The following GRID1 variants were observed in gnomAD, a reference collection of about 807,000 sequenced individuals.
The protein encoded by GRID1 is glutamate receptor ionotropic, delta-1.
GRID1 carries 28 observed loss-of-function variants against 98.0 expected under a neutral mutation model. The observed-to-expected ratio is 0.29, with a 90% CI of 0.21 to 0.39. The LOEUF (loss-of-function observed/expected upper bound fraction) is 0.39, where lower values mean the gene tolerates loss of function less well. Among genes scored for constraint, GRID1 ranks in the 10% least tolerant of loss-of-function variants. The pLI, the probability that GRID1 is intolerant of heterozygous loss-of-function variation, is 1.00. For missense variants in GRID1, 1,111 were observed against 1,340.5 expected (o/e 0.83, Z 2.67); for synonymous variants, 553 against 538.5 (o/e 1.03, Z -0.37).
intron 2 of GRID1, among the ~76,000 whole-genome samples, chr10:86,263,313 T>C (rs532013377): frequency 3.3e-5 from 5 of 152,262 alleles, no homozygotes; most frequent in Non-Finnish European, 7.3e-5. Flanking sequence ...CGCGCAACGT[T>C]GCCATTGTAA....
chr10:85,949,369 TAAATC>T (rs1842090534), intron 4 of GRID1, among the ~76,000 whole-genome samples: 2 of 152,134 alleles, frequency 1.3e-5, no homozygotes, highest in Non-Finnish European at 2.9e-5. Context: ...TTAACAGAAA[TAAATC>T]AGATTGTACA....
Position 85,922,362 on chromosome 10 carries a change from T to G in GRID1, c.727-6123A>C, listed in dbSNP as rs538539398. On this transcript the variant is annotated intron_variant, in intron 4 of 15. Coordinates refer to ENST00000327946, the MANE Select transcript of GRID1 (RefSeq NM_017551.3). ...AATAGTAAATGGAGTGGAAAAAACC[T>G]CCACATGGAAGCCTTCCAAACACAT... Among the ~76,000 whole-genome samples, 8 of 152,316 alleles carry G rather than the reference T, an allele frequency of 5.3e-5. No individual in the cohort carries two copies. The East Asian group carries it at 9.6e-4, about 18-fold the overall frequency.
At chr10:86,127,411 A>C (rs1423274372) in intron 4 of GRID1, among the ~76,000 whole-genome samples, 1 of 151,934 alleles carries the variant, frequency 6.6e-6, no homozygotes, top group Non-Finnish European at 1.5e-5. Flanking sequence ...AGTAACTAGC[A>C]CTCCTGAGAA....
At chr10:85,721,880 G>A (rs1174726087) in intron 12 of GRID1, among the ~76,000 whole-genome samples, 2 of 152,034 alleles carry the variant, frequency 1.3e-5, no homozygotes, top group African/African-American at 2.4e-5. Context: ...GTACAAGAGG[G>A]GAACAGTGAA....
At chr10:86,220,601 T>A (rs191924118) in intron 2 of GRID1, among the ~76,000 whole-genome samples, 1 of 152,282 alleles carries the variant, frequency 6.6e-6, no homozygotes. Context: ...CGCCTGGGCA[T>A]GTCCAAGGCC....
intron 8 of GRID1, among the ~76,000 whole-genome samples, chr10:85,730,373 C>T (rs954407709): frequency 3.3e-5 from 5 of 152,266 alleles, no homozygotes; most frequent in Admixed American, 6.5e-5. Context: ...GTCTATACAA[C>T]GACAAAACTT....
At chr10:85,794,013 T>G (rs1480474261) in intron 8 of GRID1, among the ~76,000 whole-genome samples, 3 of 152,228 alleles carry the variant, frequency 2.0e-5, no homozygotes, top group Non-Finnish European at 2.9e-5. Context: ...AGATTTAACA[T>G]GCAGCATTTC....
intron 14 of GRID1, among the ~76,000 whole-genome samples, chr10:85,615,257 C>A (rs1363240639): frequency 6.6e-6 from 1 of 152,224 alleles, no homozygotes; most frequent in African/African-American, 2.4e-5. Flanking sequence ...TGGCCTGGCT[C>A]AGTGCAAAGA....
At chr10:85,833,205 C>T (rs955591731) in intron 8 of GRID1, among the ~76,000 whole-genome samples, 9 of 152,192 alleles carry the variant, frequency 5.9e-5, no homozygotes, top group African/African-American at 2.2e-4. Context: ...CAAGCAGTCC[C>T]CAGCCAGGGA....
intron 12 of GRID1, among the ~76,000 whole-genome samples, chr10:85,721,068 A>G (rs1351801473): frequency 1.3e-5 from 2 of 152,242 alleles, no homozygotes; most frequent in Non-Finnish European, 2.9e-5. Flanking sequence ...GGGGATATAT[A>G]CATAGCAAAT....
intron 4 of GRID1, among the ~76,000 whole-genome samples, chr10:86,056,718 G>A (rs778859957): frequency 2.0e-5 from 3 of 152,208 alleles, no homozygotes; most frequent in South Asian, 2.1e-4. Context: ...CAGGTCACAC[G>A]CACAGCCTCT....
intron 13 of GRID1, among the ~76,000 whole-genome samples, chr10:85,643,679 CT>C (rs1843150843): frequency 6.6e-6 from 1 of 152,058 alleles, no homozygotes; most frequent in Non-Finnish European, 1.5e-5. Context: ...TTTTATGACA[CT>C]AGTTATAAAA....
intron 12 of GRID1, among the ~76,000 whole-genome samples, chr10:85,651,789 A>C (rs902377588): frequency 6.6e-6 from 1 of 152,324 alleles, no homozygotes; most frequent in African/African-American, 2.4e-5. Flanking sequence ...TGGTGCAAGC[A>C]TGTGTATCAC....
intron 5 of GRID1, among the ~76,000 whole-genome samples, chr10:85,895,001 CAAAAA>C (rs60119755): frequency 8.0e-4 from 83 of 103,902 alleles, no homozygotes; most frequent in African/African-American, 2.5e-3. Flanking sequence ...CTGGGACTCT[CAAAAA>C]AAAAAAAAAA....
intron 12 of GRID1, among the ~76,000 whole-genome samples, chr10:85,710,276 A>G (rs1037567072): frequency 1.3e-5 from 2 of 152,200 alleles, no homozygotes; most frequent in Non-Finnish European, 2.9e-5. Flanking sequence ...AGACAGATAT[A>G]TAGACCAGTG....
Position 86,038,835 on chromosome 10 carries a change from T to A in GRID1, c.726+99984A>T, listed in dbSNP as rs1843306698. On this transcript the variant is annotated intron_variant, in intron 4 of 15. Coordinates refer to ENST00000327946, the MANE Select transcript of GRID1 (RefSeq NM_017551.3). Reference sequence around the variant, plus strand: ...TTGCAGAAGATGGTCTTATTTCTGATTTCCTAGTTCTTGAAGTAGGGGAGT... The same window carrying A: ...TTGCAGAAGATGGTCTTATTTCTGAATTCCTAGTTCTTGAAGTAGGGGAGT... Among the ~76,000 whole-genome samples, 3 of 152,356 alleles carry A rather than the reference T, an allele frequency of 2.0e-5. No homozygotes were observed. The South Asian group carries it at 6.2e-4, about 32-fold the overall frequency.
At chr10:86,321,215 A>C (rs17106562) in intron 2 of GRID1, among the ~76,000 whole-genome samples, 1 of 152,146 alleles carries the variant, frequency 6.6e-6, no homozygotes, top group African/African-American at 2.4e-5. Context: ...AATAGTGATT[A>C]TGAAGAAATT....
At chr10:86,183,023 A>C (rs1845676817) in intron 3 of GRID1, among the ~76,000 whole-genome samples, 1 of 152,152 alleles carries the variant, frequency 6.6e-6, no homozygotes, top group Non-Finnish European at 1.5e-5. Context: ...TTAAAATGTA[A>C]ATTTTTAATG....
At chr10:85,794,651 T>A (rs942859620) in intron 8 of GRID1, among the ~76,000 whole-genome samples, 37 of 152,234 alleles carry the variant, frequency 2.4e-4, no homozygotes, top group African/African-American at 8.4e-4. Flanking sequence ...GGGGGTTAAG[T>A]AATGGCAATG....
Sources: allele counts gnomAD v4.1 joint callset (sites outside exome capture counted in the v4.1 genomes callset), GRCh38; gene constraint gnomAD v4.1.1; transcripts MANE v1.5; gene names NCBI Gene and HGNC (gene_info 2026-07-23, HGNC 2026-07-21).